FAT3: variants seen among roughly 807,000 people sequenced by gnomAD.
FAT3 encodes protocadherin Fat 3.
FAT3 carries 95 observed loss-of-function variants against 310.2 expected under a neutral mutation model. That is an observed-to-expected ratio of 0.31 (90% CI 0.26 to 0.36). FAT3 has a LOEUF of 0.36. Ranked by LOEUF, FAT3 falls within the 10% of genes least tolerant of loss-of-function variation. The probability of loss-of-function intolerance (pLI) is 1.00; values close to 1 mark genes in which losing one functional copy is unlikely to be tolerated. For synonymous variants in FAT3, 2,314 were observed against 2,192.9 expected (o/e 1.06, Z -1.54); for missense variants, 5,408 against 5,715.6 (o/e 0.95, Z 1.74).
At chr11:92,530,238 G>A (rs1040916625) in intron 3 of FAT3, among the ~76,000 whole-genome samples, 2 of 152,094 alleles carry the variant, frequency 1.3e-5, no homozygotes, top group African/African-American at 4.8e-5. Flanking sequence ...TGGTGAGCTT[G>A]CTAGACTATA....
At chr11:92,458,781 C>T (rs541343989) in intron 2 of FAT3, among the ~76,000 whole-genome samples, 47 of 152,078 alleles carry the variant, frequency 3.1e-4, no homozygotes, top group Non-Finnish European at 6.3e-4. Flanking sequence ...TGATCTTGGC[C>T]CTGAGCAGGC....
chr11:92,254,282 A>G (rs895542077), intron 1 of FAT3, among the ~76,000 whole-genome samples: 1 of 152,166 alleles, frequency 6.6e-6, no homozygotes, highest in Admixed American at 6.5e-5. Context: ...ATGAGACAAG[A>G]TTTAAGAAAT....
intron 3 of FAT3, among the ~76,000 whole-genome samples, chr11:92,628,922 A>T (rs1941441784): frequency 6.6e-6 from 1 of 152,160 alleles, no homozygotes; most frequent in Non-Finnish European, 1.5e-5. Flanking sequence ...ACACACACAC[A>T]CTGCAGGACT....
chr11:92,840,647 C>G lies in FAT3; in HGVS notation c.10454C>G (p.Ser3485Cys), dbSNP rs747242938. ...CACAATGGGCCTCCCTTTTCATTCT[C>G]TATTTTGTCGGGAAATGAAGAGGAG... Reference protein sequence around the residue: ...SFHNGPPFSFSILSGNEEEEF... With the variant: ...SFHNGPPFSFCILSGNEEEEF... Residue 3485 changes from serine (S) to cysteine (C), a missense_variant, in exon 18 of 28, where the codon TCT becomes TGT. Physicochemically the swap from Ser to Cys is moderately radical, Grantham distance 112 (BLOSUM62 -1). Coordinates refer to ENST00000525166, the MANE Select transcript of FAT3 (RefSeq NM_001367949.2). 2.5e-6 allele frequency: 4 copies of G among 1,613,008 alleles called. No individual in the cohort carries two copies. The highest frequency in any genetic ancestry group is 3.4e-6 in the Non-Finnish European group (4 of 1,179,188).
intron 2 of FAT3, among the ~76,000 whole-genome samples, chr11:92,516,211 CTGA>C (rs1953477589): frequency 6.6e-6 from 1 of 152,068 alleles, no homozygotes; most frequent in Admixed American, 6.6e-5. Context: ...GCCAATATCC[CTGA>C]TGAACATCAA....
chr11:92,877,329 G>T (rs1949554903), intron 22 of FAT3, among the ~76,000 whole-genome samples: 1 of 152,168 alleles, frequency 6.6e-6, no homozygotes, highest in Non-Finnish European at 1.5e-5. Context: ...CGGTTTAGAG[G>T]CAGTCAGGAT....
chr11:92,647,753 G>A (rs6483182), intron 3 of FAT3, among the ~76,000 whole-genome samples: 5,315 of 152,070 alleles, frequency 0.035, 323 homozygotes, highest in African/African-American at 0.12. Context: ...TCATGTTTCT[G>A]GATCTTAATA....
At chr11:92,631,615 G>T (rs1941562949) in intron 3 of FAT3, among the ~76,000 whole-genome samples, 1 of 151,940 alleles carries the variant, frequency 6.6e-6, no homozygotes. Flanking sequence ...AGTTTCCTGA[G>T]GTCTCCCCAG....
rs1949703633 is a variant in FAT3 at position 92,882,802 on chromosome 11, G to A, written c.12346G>A (p.Val4116Met). Residue 4116 changes from valine (V) to methionine (M), a missense_variant, in exon 24 of 28, where the codon GTG becomes ATG. This residue lies in a region of FAT3 where 649 missense variants were observed against 666.2 expected (regional missense o/e 0.97). Coordinates refer to ENST00000525166, the MANE Select transcript of FAT3 (RefSeq NM_001367949.2). ...TGAGAACGGAGGCTCCTGCGTGAAC[G>A]TGTTCGGCTCCTTCCTCTGCAACTG... ...ECENGGSCVN[V>M]FGSFLCNCTP... 6.2e-7 allele frequency: 1 copy of A among 1,611,902 alleles called. No homozygotes were observed. Among genetic ancestry groups the A allele is most frequent in the African/African-American group, 1.3e-5 (1 of 75,038 alleles).
intron 3 of FAT3, among the ~76,000 whole-genome samples, chr11:92,613,677 TCTC>T (rs1443326495): frequency 6.6e-6 from 1 of 152,122 alleles, no homozygotes; most frequent in Non-Finnish European, 1.5e-5. Flanking sequence ...CCCTAAGAGC[TCTC>T]CTCATCACGG....
chr11:92,381,690 T>A (rs141594045), intron 2 of FAT3, among the ~76,000 whole-genome samples: 3 of 152,324 alleles, frequency 2.0e-5, no homozygotes, highest in African/African-American at 4.8e-5. Context: ...AGTTAAAATA[T>A]AATTATTCAA....
intron 2 of FAT3, among the ~76,000 whole-genome samples, chr11:92,489,890 T>TA (rs971246226): frequency 6.7e-6 from 1 of 149,994 alleles, no homozygotes; most frequent in East Asian, 2.0e-4. Context: ...TCTTTTTCTT[T>TA]TTTTTTTTTT....
intron 2 of FAT3, among the ~76,000 whole-genome samples, chr11:92,523,374 A>G (rs565023546): frequency 2.0e-5 from 3 of 152,292 alleles, no homozygotes; most frequent in Admixed American, 6.5e-5. Context: ...TTGGTGAATA[A>G]CATAGCAGCT....
intron 13 of FAT3, among the ~76,000 whole-genome samples, chr11:92,814,650 A>C (rs2136221891): frequency 6.6e-6 from 1 of 152,360 alleles, no homozygotes; most frequent in South Asian, 2.1e-4. Flanking sequence ...AAGGGAACAC[A>C]CATACCGTTA....
intron 3 of FAT3, among the ~76,000 whole-genome samples, chr11:92,570,537 A>G (rs1318300288): frequency 6.6e-6 from 1 of 152,200 alleles, no homozygotes; most frequent in Non-Finnish European, 1.5e-5. Flanking sequence ...ACAGCCATCC[A>G]TCCTTAGCCA....
In FAT3 at chr11:92,809,900, T is replaced by A. The variant is rs773985663; in HGVS notation, c.9305T>A (p.Met3102Lys). The stretch of plus-strand genomic sequence containing the variant: ...GAGAGGATCCCCGTGTACAGCCTGA[T>A]GGCCAAGGCCACTGACGGGGGTGGC... Reference protein sequence around the residue: ...DRERIPVYSLMAKATDGGGRF... With the variant: ...DRERIPVYSLKAKATDGGGRF... Residue 3102 changes from methionine (M) to lysine (K), a missense_variant, in exon 13 of 28, where the codon ATG becomes AAG. By Grantham distance (95) the Met-to-Lys change is moderately conservative. Coordinates refer to ENST00000525166, the MANE Select transcript of FAT3 (RefSeq NM_001367949.2). 1.9e-6 allele frequency: 3 copies of A among 1,613,928 alleles called. No individual in the cohort carries two copies. Among genetic ancestry groups the A allele is most frequent in the Non-Finnish European group, 2.5e-6 (3 of 1,179,886 alleles).
intron 3 of FAT3, among the ~76,000 whole-genome samples, chr11:92,643,224 C>A (rs949505656): frequency 3.9e-5 from 6 of 152,132 alleles, no homozygotes; most frequent in Non-Finnish European, 7.4e-5. Context: ...TGTGGTCTTG[C>A]CCTAATTCAA....
intron 2 of FAT3, among the ~76,000 whole-genome samples, chr11:92,506,191 G>A (rs549607405): frequency 6.6e-6 from 1 of 152,214 alleles, no homozygotes; most frequent in Admixed American, 6.5e-5. Context: ...TTGCATTTTT[G>A]CAAACCTTTC....
chr11:92,314,574 A>G (rs1947387772), intron 1 of FAT3, among the ~76,000 whole-genome samples: 1 of 152,126 alleles, frequency 6.6e-6, no homozygotes, highest in Non-Finnish European at 1.5e-5. Flanking sequence ...TTTTGGCCAC[A>G]AGCAGTTACA....
Sources: allele counts gnomAD v4.1 joint callset (sites outside exome capture counted in the v4.1 genomes callset), GRCh38; gene constraint gnomAD v4.1.1; regional missense constraint gnomAD v4.1.1; transcripts MANE v1.5; gene names NCBI Gene and HGNC (gene_info 2026-07-23, HGNC 2026-07-21).